UNC80: variants seen among roughly 807,000 people sequenced by gnomAD.
The protein encoded by UNC80 is unc-80 subunit of NALCN channel complex.
Under a neutral mutation model 384.6 loss-of-function variants are expected in UNC80, and 164 were observed. The ratio of observed to expected loss-of-function variants is 0.43; its 90% confidence interval spans 0.38 to 0.49. UNC80 has a LOEUF of 0.49. UNC80 is among the 20% of genes least tolerant of loss of function. The pLI, the probability that UNC80 is intolerant of heterozygous loss-of-function variation, is 0.00. For synonymous variants in UNC80, 1,486 were observed against 1,527.8 expected (o/e 0.97, Z 0.64); for missense variants, 3,330 against 4,143.0 (o/e 0.80, Z 5.39).
At chr2:209,790,256 C>A (rs1291282510) in intron 6 of UNC80, among the ~76,000 whole-genome samples, 1 of 152,138 alleles carries the variant, frequency 6.6e-6, no homozygotes, top group Admixed American at 6.5e-5. Flanking sequence ...CATTAAATGA[C>A]CTGCTTTCAC....
chr2:209,816,161 G>C (rs1423110647), intron 9 of UNC80, among the ~76,000 whole-genome samples: 1 of 152,122 alleles, frequency 6.6e-6, no homozygotes. Flanking sequence ...GGAAAAAAGT[G>C]GTTTTCAATA....
At chr2:209,878,139 C>T (rs191571798) in intron 24 of UNC80, 50 bp downstream of exon 24, 87 of 1,462,176 alleles carry the variant, frequency 6.0e-5, no homozygotes, top group Non-Finnish European at 7.5e-5. Flanking sequence ...AGAACCTCTG[C>T]TTTAGGAGCA....
At chr2:209,904,140 A>G (rs963208658) in intron 28 of UNC80, among the ~76,000 whole-genome samples, 4 of 152,344 alleles carry the variant, frequency 2.6e-5, no homozygotes, top group Non-Finnish European at 5.9e-5. Flanking sequence ...TGGGAGAATT[A>G]TAGGAGATGT....
intron 18 of UNC80, among the ~76,000 whole-genome samples, chr2:209,836,824 C>T (rs2081363328): frequency 6.6e-6 from 1 of 152,132 alleles, no homozygotes; most frequent in Non-Finnish European, 1.5e-5. Flanking sequence ...TTCACTGAGT[C>T]ATATTAAAGC....
rs1458152579 is a variant in UNC80, at chr2:209,819,216, C to T, written c.1917C>T (p.Asp639=). ...ACCTAGAGGACACAGAACATATTGA[C>T]GGGACCAATAACTTTGTCCACAAGA... ...YSYLEDTEHI[D]GTNNFVHKNG... is the part of the protein sequence containing the mutation. The change falls in exon 12 of 65, where the codon GAC becomes GAT. Residue 639 remains aspartate, a synonymous_variant. Coordinates refer to ENST00000673920, the MANE Select transcript of UNC80 (RefSeq NM_001371986.1). The T allele has an allele frequency of 3.9e-5, 60 of 1,551,578 alleles. No homozygotes were observed. In the Admixed American group the frequency reaches 5.3e-4, roughly 14 times the overall value.
At chr2:209,893,935 A>C (rs1207318266) in intron 26 of UNC80, among the ~76,000 whole-genome samples, 1 of 152,178 alleles carries the variant, frequency 6.6e-6, no homozygotes, top group South Asian at 2.1e-4. Flanking sequence ...GGCCAGAAAG[A>C]GAGCAGGTTG....
chr2:209,974,260 G>A (rs892253782), intron 56 of UNC80, among the ~76,000 whole-genome samples: 1 of 152,120 alleles, frequency 6.6e-6, no homozygotes, highest in African/African-American at 2.4e-5. Flanking sequence ...AAAATGAGGG[G>A]ATTGACAATG....
Position 209,910,959 on chromosome 2 carries a change from T to C in UNC80, c.4783-1601T>C, listed in dbSNP as rs1260051422. ...GAAAGGAACCTAATAATGGCTATCA[T>C]TGGGTTGGGGATTGTATTAGTCTGT... On this transcript the variant is annotated intron_variant, in intron 29 of 64. Transcript: ENST00000673920. Among the ~76,000 whole-genome samples the C allele has an allele frequency of 2.6e-5, 4 of 152,104 alleles. No individual in the cohort carries two copies. In the East Asian group the frequency reaches 5.8e-4, roughly 22 times the overall value.
Position 209,813,583 on chromosome 2 carries a change from C to T in UNC80, c.942C>T (p.Ala314=). 6.4e-7 allele frequency: 1 copy of T among 1,550,864 alleles called. No homozygotes were observed. Among genetic ancestry groups the T allele is most frequent in the Non-Finnish European group, 8.7e-7 (1 of 1,146,490 alleles). ...SQERGPSHSR[A]SLVIPPCQRS... is the part of the protein sequence containing the mutation. ...TCTTCTTTCTGCCATGGAACAGGGC[C>T]TCTCTTGTGATACCTCCGTGCCAAA... The change falls in exon 8 of 65, where the codon GCC becomes GCT. Residue 314 remains alanine (A), a synonymous_variant. Coordinates refer to ENST00000673920, the MANE Select transcript of UNC80 (RefSeq NM_001371986.1).
At position 209,978,560 on chromosome 2, in the gene UNC80, G is replaced by A; in HGVS notation, c.8970G>A (p.Val2990=). ...AAGGCAAGACATCCATCAGTACCGT[G>A]GGCACCTCCACCTCTGCTTACCGCC... The part of the protein sequence containing the change: ...AYQGKTSIST[V]GTSTSAYRLS... The change falls in exon 59 of 65, where the codon GTG becomes GTA. Residue 2990 remains valine, a synonymous_variant. Transcript: ENST00000673920. 6.4e-7 allele frequency: 1 copy of A among 1,550,672 alleles called. No homozygotes were observed. Among genetic ancestry groups the A allele is most frequent in the Non-Finnish European group, 8.7e-7 (1 of 1,146,290 alleles).
At chr2:209,828,054 G>T in intron 14 of UNC80, among the ~76,000 whole-genome samples, 1 of 152,150 alleles carries the variant, frequency 6.6e-6, no homozygotes, top group Middle Eastern at 3.2e-3. Flanking sequence ...TCATACAGAT[G>T]ATACAAACAT....
intron 48 of UNC80, among the ~76,000 whole-genome samples, chr2:209,955,774 C>A (rs2092392212): frequency 7.3e-6 from 1 of 137,420 alleles, no homozygotes; most frequent in Non-Finnish European, 1.5e-5. Flanking sequence ...GAGACTGACT[C>A]ACTCTGTCAC....
At chr2:209,957,172 T>A (rs2092448915) in intron 48 of UNC80, among the ~76,000 whole-genome samples, 1 of 152,218 alleles carries the variant, frequency 6.6e-6, no homozygotes. Context: ...GTGATGTGAC[T>A]AGGAGAATTC....
Position 209,998,598 on chromosome 2 carries a change from A to G in UNC80, c.*3003A>G, listed in dbSNP as rs1023928388. On this transcript the variant is annotated 3_prime_UTR_variant, in exon 65 of 65. Transcript: ENST00000673920. ...TTAGCATTATATTCCTTTAGTCAAC[A>G]AAGAACTTTCTCCACTCTGCTGCCC... 1.3e-5 allele frequency: 2 copies of G among 152,238 alleles called. No individual in the cohort carries two copies. Among genetic ancestry groups the G allele is most frequent in the African/African-American group, 2.4e-5 (1 of 41,438 alleles). The allele number at this position is 152,238 out of a possible 1,614,324, so 9.4% of individuals were successfully genotyped here.
At chr2:209,859,892 T>G (rs1307546713) in intron 22 of UNC80, among the ~76,000 whole-genome samples, 5 of 152,230 alleles carry the variant, frequency 3.3e-5, no homozygotes, top group African/African-American at 1.2e-4. Flanking sequence ...TCCTGTAAAT[T>G]TGTTTAAGTT....
intron 52 of UNC80, 110 bp from the exon 53 acceptor site, chr2:209,969,658 C>G: frequency 7.0e-7 from 1 of 1,420,430 alleles, no homozygotes; most frequent in East Asian, 2.5e-5. Flanking sequence ...TAAACTTCAT[C>G]CCAGAGACAC....
intron 23 of UNC80, among the ~76,000 whole-genome samples, chr2:209,874,232 C>G (rs112557490): frequency 2.6e-5 from 4 of 152,110 alleles, no homozygotes; most frequent in African/African-American, 7.2e-5. Flanking sequence ...CAAGCAGTGT[C>G]AATGAAATGC....
At chr2:209,965,574 C>T (rs1295516283) in intron 51 of UNC80, among the ~76,000 whole-genome samples, 1 of 151,888 alleles carries the variant, frequency 6.6e-6, no homozygotes, top group Non-Finnish European at 1.5e-5. Flanking sequence ...GTGCCCACCA[C>T]CACGCCCAGC....
chr2:209,775,899 G>A lies in UNC80; in HGVS notation c.152G>A (p.Arg51Gln), dbSNP rs1359174506. 8 of 1,613,554 alleles carry A rather than the reference G, an allele frequency of 5.0e-6. No homozygotes were observed. Among genetic ancestry groups the A allele is most frequent in the Non-Finnish European group, 5.9e-6 (7 of 1,179,816 alleles). The stretch of plus-strand genomic sequence containing the variant: ...TTTTTGTATTTACAGTCCTTTGAGC[G>A]AGTGTTGGTAGAAAACAAGCTGCAT... Reference protein sequence around the residue: ...QYEASCVSFERVLVENKLHGL... With the variant: ...QYEASCVSFEQVLVENKLHGL... Residue 51 changes from arginine (R) to glutamine (Q), a missense_variant, in exon 3 of 65, where the codon CGA (arginine) becomes CAA (glutamine). Around this residue, in one of 8 missense-constraint regions of UNC80, gnomAD observed 86 missense variants for 141.5 expected, o/e 0.61. Coordinates refer to ENST00000673920, the MANE Select transcript of UNC80 (RefSeq NM_001371986.1).
Sources: gnomAD v4.1 joint callset for allele counts (sites outside exome capture counted in the v4.1 genomes callset) on GRCh38, gnomAD v4.1.1 for gene constraint, gnomAD v4.1.1 regional missense constraint, MANE v1.5 for transcripts, NCBI Gene and HGNC (gene_info 2026-07-23, HGNC 2026-07-21) for gene names.